ABCC8: variants seen among roughly 807,000 people sequenced by gnomAD.
ABCC8 encodes the protein ATP-binding cassette sub-family C member 8.
Under a neutral mutation model 188.0 loss-of-function variants are expected in ABCC8, and 137 were observed. That is an observed-to-expected ratio of 0.73 (90% CI 0.63 to 0.84). The LOEUF is 0.84. Among genes scored for constraint, ABCC8 ranks in the 40% least tolerant of loss-of-function variants. The pLI is 0.00. For synonymous variants in ABCC8, 797 were observed against 846.5 expected, an observed-to-expected ratio of 0.94 and a Z score of 1.01; for missense variants, 1,750 against 2,072.7, an observed-to-expected ratio of 0.84 and a Z score of 3.02.
At chr11:17,410,057 T>A (rs1954733840) in intron 22 of ABCC8, among the ~76,000 whole-genome samples, 1 of 151,928 alleles carries the variant, frequency 6.6e-6, no homozygotes, top group South Asian at 2.1e-4. Flanking sequence ...CAGCCTGAAG[T>A]TTCTATTACT....
intron 17 of ABCC8, 193 bp from the exon 18 acceptor site, chr11:17,415,532 G>T: frequency 1.2e-6 from 1 of 812,810 alleles, no homozygotes. Flanking sequence ...TCTGCTGCCT[G>T]ACCACGTGGG....
intron 3 of ABCC8, among the ~76,000 whole-genome samples, chr11:17,463,995 A>AC (rs913680249): frequency 1.9e-4 from 29 of 152,184 alleles, no homozygotes; most frequent in Non-Finnish European, 2.9e-4. Context: ...CACTGCCGTC[A>AC]CCCCCAATTT....
intron 3 of ABCC8, among the ~76,000 whole-genome samples, chr11:17,464,616 A>AT (rs2133691485): frequency 6.6e-6 from 1 of 152,324 alleles, no homozygotes; most frequent in East Asian, 1.9e-4. Flanking sequence ...TAGCTGTTAT[A>AT]TTTTTATTAT....
At chr11:17,399,411 C>T (rs1954123228) in intron 29 of ABCC8, among the ~76,000 whole-genome samples, 1 of 152,024 alleles carries the variant, frequency 6.6e-6, no homozygotes, top group African/African-American at 2.4e-5. Flanking sequence ...GCTGCAGCCA[C>T]TCAGCTTTTT....
At chr11:17,435,715 G>C (rs1297904253) in intron 10 of ABCC8, 3 of 1,376,464 alleles carry the variant, frequency 2.2e-6, no homozygotes, top group Non-Finnish European at 3.1e-6. Flanking sequence ...AGTAAGAACC[G>C]GGACAACCAC....
chr11:17,416,273 A>G (rs897790792), intron 17 of ABCC8, among the ~76,000 whole-genome samples: 1 of 152,110 alleles, frequency 6.6e-6, no homozygotes, highest in Non-Finnish European at 1.5e-5. Flanking sequence ...GAAGGTTTTG[A>G]GGGACTCAGA....
In ABCC8 at chr11:17,397,214, C is replaced by T; in HGVS notation, c.3967G>A (p.Glu1323Lys). The T allele has an allele frequency of 6.2e-7, 1 of 1,613,794 alleles. No homozygotes were observed. Among genetic ancestry groups the T allele is most frequent in the Non-Finnish European group, 8.5e-7 (1 of 1,179,998 alleles). ...RIHGLLKTEA[E>K]SYEGLLAPSL... ...TCACCCAGGAGCCCCTCGTAGCTCT[C>T]TGCCTCGGTTTTCAGGAGCCCATGG... is the stretch of plus-strand genomic sequence containing the variant. Residue 1323 changes from glutamate (E) to lysine (K), a missense_variant, in exon 32 of 39, where the codon GAG (glutamate) becomes AAG (lysine). Coordinates refer to ENST00000389817, the MANE Select transcript of ABCC8 (RefSeq NM_000352.6).
At chr11:17,410,790 C>A in intron 21 of ABCC8, 137 bp from the exon 22 acceptor site, 2 of 1,381,930 alleles carry the variant, frequency 1.4e-6, no homozygotes, top group Non-Finnish European at 2.0e-6. Flanking sequence ...TGGCTTTGGA[C>A]AACTCACCCA....
At chr11:17,430,547 G>GTTT (rs370673339) in intron 12 of ABCC8, 32 of 432,788 alleles carry the variant, frequency 7.4e-5, no homozygotes, top group Middle Eastern at 1.3e-3. Context: ...CTCAACACTG[G>GTTT]TTTTTTTTTT....
intron 7 of ABCC8, among the ~76,000 whole-genome samples, chr11:17,449,147 C>A (rs1391241859): frequency 2.0e-5 from 3 of 152,260 alleles, no homozygotes; most frequent in African/African-American, 7.2e-5. Context: ...AGGCTGGTCT[C>A]AAACTCCTGA....
At chr11:17,433,163 C>T (rs1355585843) in intron 10 of ABCC8, among the ~76,000 whole-genome samples, 4 of 152,142 alleles carry the variant, frequency 2.6e-5, no homozygotes, top group African/African-American at 7.2e-5. Context: ...AGTGCCCTGA[C>T]CCCAGGCCTA....
At chr11:17,442,079 C>CA (rs1321653465) in intron 10 of ABCC8, among the ~76,000 whole-genome samples, 2 of 150,826 alleles carry the variant, frequency 1.3e-5, no homozygotes, top group Non-Finnish European at 3.0e-5. Flanking sequence ...GACTCCATCT[C>CA]AAAAAAAGAA....
chr11:17,441,024 A>T (rs1273197432), intron 10 of ABCC8, among the ~76,000 whole-genome samples: 1 of 152,162 alleles, frequency 6.6e-6, no homozygotes, highest in African/African-American at 2.4e-5. Context: ...AGACACTACC[A>T]GCACCCCCTC....
chr11:17,474,997 A>T lies in ABCC8; in HGVS notation c.179T>A (p.Ile60Asn). The change falls in exon 2 of 39, where the codon ATC becomes AAC. Residue 60 changes from isoleucine (I) to asparagine (N), a missense_variant. Coordinates refer to ENST00000389817, the MANE Select transcript of ABCC8 (RefSeq NM_000352.6). Reference protein sequence around the residue: ...GWGSQSSKVHIHHSTWLHFPG... With the variant: ...GWGSQSSKVHNHHSTWLHFPG... ...GAAATGAAGCCATGTGCTGTGGTGG[A>T]TGTGCACCTTGGAGCTCTGACTTCC... 6.2e-7 allele frequency: 1 copy of T among 1,614,154 alleles called. No homozygotes were observed. Among genetic ancestry groups the T allele is most frequent in the Non-Finnish European group, 8.5e-7 (1 of 1,180,022 alleles).
At chr11:17,402,533 T>C in intron 29 of ABCC8, 128 bp downstream of exon 29, 2 of 1,569,492 alleles carry the variant, frequency 1.3e-6, no homozygotes, top group Non-Finnish European at 1.7e-6. Flanking sequence ...CCTTGGGACC[T>C]GAGGCAGCTT....
In ABCC8 at chr11:17,460,690, C is replaced by A. The variant is rs551637077; in HGVS notation, c.823-14G>T. Reference sequence around the variant, plus strand: ...AATGTCCTTCCGCTGCCCAGAGAGACCATGGCCAGGTCAGAGTGCCTGAGG... The same window carrying A: ...AATGTCCTTCCGCTGCCCAGAGAGAACATGGCCAGGTCAGAGTGCCTGAGG... On this transcript the variant is annotated splice_polypyrimidine_tract_variant and intron_variant, in intron 5 of 38. Coordinates refer to ENST00000389817, the MANE Select transcript of ABCC8 (RefSeq NM_000352.6). 18 of 1,605,378 alleles carry A rather than the reference C, an allele frequency of 1.1e-5. No individual in the cohort carries two copies. The South Asian group carries it at 2.0e-4, about 18-fold the overall frequency.
chr11:17,474,938 T>G lies in ABCC8; in HGVS notation c.238A>C (p.Met80Leu). ...GHNLRWILTFMLLFVLVCEIA... is the reference protein window; with the variant it reads ...GHNLRWILTFLLLFVLVCEIA... ...TCACACACCAGGACGAAGAGCAGCA[T>G]GAAGGTCAGGATCCACCGCAGGTTG... Residue 80 changes from methionine (M) to leucine (L), a missense_variant, in exon 2 of 39, where the codon ATG (methionine) becomes CTG (leucine). By Grantham distance (15) the Met-to-Leu change is conservative. Transcript: ENST00000389817. The G allele has an allele frequency of 6.2e-7, 1 of 1,614,184 alleles. No homozygotes were observed. The highest frequency in any genetic ancestry group is 8.5e-7 in the Non-Finnish European group (1 of 1,180,034).
intron 10 of ABCC8, among the ~76,000 whole-genome samples, chr11:17,435,017 G>A (rs1554928873): frequency 1.4e-5 from 2 of 146,196 alleles, no homozygotes; most frequent in African/African-American, 5.0e-5. Flanking sequence ...GTGTGTGTGT[G>A]TTTTGCAAGA....
chr11:17,413,483 C>T lies in ABCC8; in HGVS notation c.2391-5G>A, dbSNP rs370096884. On this transcript the variant is annotated splice_region_variant and splice_polypyrimidine_tract_variant and intron_variant, in intron 19 of 38. Transcript: ENST00000389817. ...GCTTCAATGACCATCTTGTACCTGGCGTGGGTAGAGGCAGGGGATGCAGCT... is the reference window on the plus strand; with the variant it reads ...GCTTCAATGACCATCTTGTACCTGGTGTGGGTAGAGGCAGGGGATGCAGCT... 6.9e-5 allele frequency: 111 copies of T among 1,613,666 alleles called. No homozygotes were observed. The highest frequency in any genetic ancestry group is 5.3e-4 in the Middle Eastern group (3 of 5,684).
Sources: allele counts gnomAD v4.1 joint callset (sites outside exome capture counted in the v4.1 genomes callset), GRCh38; gene constraint gnomAD v4.1.1; transcripts MANE v1.5; gene names NCBI Gene and HGNC (gene_info 2026-07-23, HGNC 2026-07-21).